Variants in KAT14 observed in about 807,000 individuals in gnomAD.
KAT14 encodes the protein lysine acetyltransferase 14.
Under a neutral mutation model 78.4 loss-of-function variants are expected in KAT14, and 66 were observed. The observed-to-expected ratio is 0.84, with a 90% CI of 0.69 to 1.03. The LOEUF is 1.03. Ranked by LOEUF, KAT14 falls within the 50% of genes least tolerant of loss-of-function variation. The pLI, the probability that KAT14 is intolerant of heterozygous loss-of-function variation, is 0.00. For synonymous variants in KAT14, 344 were observed against 359.4 expected, an observed-to-expected ratio of 0.96 and a Z score of 0.48; for missense variants, 870 against 972.5, an observed-to-expected ratio of 0.89 and a Z score of 1.40.
intron 7 of KAT14, among the ~76,000 whole-genome samples, chr20:18,175,828 G>T (rs1479782205): frequency 6.6e-6 from 1 of 151,534 alleles, no homozygotes; most frequent in East Asian, 2.0e-4. Context: ...AGACCAGCCT[G>T]GGCAACATGA....
intron 7 of KAT14, among the ~76,000 whole-genome samples, chr20:18,164,007 C>T (rs2038542805): frequency 6.6e-6 from 1 of 152,212 alleles, no homozygotes; most frequent in African/African-American, 2.4e-5. Context: ...CTCTTCAACT[C>T]TGCTGTTGTG....
At chr20:18,156,010 G>A (rs536610590) in intron 4 of KAT14, among the ~76,000 whole-genome samples, 1 of 152,284 alleles carries the variant, frequency 6.6e-6, no homozygotes, top group Non-Finnish European at 1.5e-5. Context: ...TAGATGAATG[G>A]ATAAGCAAAA....
At chr20:18,169,718 A>G (rs2038781331) in intron 7 of KAT14, among the ~76,000 whole-genome samples, 3 of 152,362 alleles carry the variant, frequency 2.0e-5, no homozygotes, top group South Asian at 4.1e-4. Flanking sequence ...CTCTCACTTT[A>G]AATAAAAAAC....
In KAT14 at chr20:18,159,216, G is replaced by T; in HGVS notation, c.633G>T (p.Thr211=). The T allele has an allele frequency of 1.2e-6, 2 of 1,614,036 alleles. No individual in the cohort carries two copies. The highest frequency in any genetic ancestry group is 1.7e-4 in the Middle Eastern group (1 of 6,056). The change falls in exon 5 of 11, where the codon ACG becomes ACT. Residue 211 remains threonine, a synonymous_variant. Coordinates refer to ENST00000688188, the MANE Select transcript of KAT14 (RefSeq NM_001392073.1). Reference sequence around the variant, plus strand: ...AACTTGTTCATAACAAGCCCCCAACGATGAAACCTGAAGGAGAGAAGTTGT... The same window carrying T: ...AACTTGTTCATAACAAGCCCCCAACTATGAAACCTGAAGGAGAGAAGTTGT... The part of the protein sequence containing the change: ...WWKLVHNKPP[T]MKPEGEKLSA...
chr20:18,173,000 G>T (rs2038902437), intron 7 of KAT14, among the ~76,000 whole-genome samples: 1 of 152,188 alleles, frequency 6.6e-6, no homozygotes, highest in Non-Finnish European at 1.5e-5. Context: ...TGGCTAGAGG[G>T]TGTGAAGTTA....
Position 18,137,880 on chromosome 20 carries a change from G to T in KAT14, c.-625G>T. 1 of 1,388,082 alleles carries T rather than the reference G, an allele frequency of 7.2e-7. No homozygotes were observed. Among genetic ancestry groups the T allele is most frequent in the Non-Finnish European group, 9.4e-7 (1 of 1,066,088 alleles). 86.0% of individuals were successfully genotyped at this position (1,388,082 alleles called of 1,614,324 possible). ...GAGGGGTCGAGCCTGGGCAGTACAG[G>T]CGGCGGTGCGCACTCTGCGGCGGCC... is the stretch of plus-strand genomic sequence containing the variant. On this transcript the variant is annotated 5_prime_UTR_variant, in exon 1 of 11. Transcript: ENST00000688188.
intron 7 of KAT14, among the ~76,000 whole-genome samples, chr20:18,175,300 A>T (rs117826196): frequency 0.022 from 3,370 of 152,084 alleles, 54 homozygotes; most frequent in Middle Eastern, 0.034. Context: ...ATCCACCCTC[A>T]CCCAGGAAGG....
chr20:18,187,512 T>G lies in KAT14; in HGVS notation c.*53T>G, dbSNP rs981863079. ...TGTGCTATTGGAGAACAGGTCTTTG[T>G]GGAGATCTAAAGGCAGTGATTGATT... On this transcript the variant is annotated 3_prime_UTR_variant, in exon 11 of 11. Coordinates refer to ENST00000688188, the MANE Select transcript of KAT14 (RefSeq NM_001392073.1). 5.0e-6 allele frequency: 8 copies of G among 1,607,796 alleles called. No individual in the cohort carries two copies. The highest frequency in any genetic ancestry group is 3.4e-5 in the Admixed American group (2 of 58,486).
chr20:18,163,014 T>C, intron 7 of KAT14, 69 bp downstream of exon 7: 1 of 1,531,002 alleles, frequency 6.5e-7, no homozygotes, highest in Non-Finnish European at 8.8e-7. Flanking sequence ...GCACTAGGCA[T>C]TGGACATGGT....
chr20:18,159,235 A>T lies in KAT14; in HGVS notation c.652A>T (p.Lys218Ter), dbSNP rs1437880770. ...CCCAACGATGAAACCTGAAGGAGAG[A>T]AGTTGTCTGCCTCTACTTTGAAAAT... ...KPPTMKPEGE[K>*]LSASTLKIKA... is the part of the protein sequence containing the mutation. The change falls in exon 5 of 11, where the codon AAG (lysine) becomes TAG (stop). Residue 218 changes from lysine (K) to a stop codon, truncating the protein, a stop_gained. Coordinates refer to ENST00000688188, the MANE Select transcript of KAT14 (RefSeq NM_001392073.1). LOFTEE classifies it high-confidence loss of function. 1.9e-6 allele frequency: 3 copies of T among 1,614,000 alleles called. No homozygotes were observed. The Admixed American group carries it at 5.0e-5, about 27-fold the overall frequency.
chr20:18,173,175 G>A (rs746692546), intron 7 of KAT14, among the ~76,000 whole-genome samples: 2 of 152,224 alleles, frequency 1.3e-5, no homozygotes, highest in Admixed American at 6.5e-5. Context: ...CAAGAGGGGA[G>A]TTTTCTTTGA....
chr20:18,145,552 G>A (rs1019686444), intron 3 of KAT14, among the ~76,000 whole-genome samples: 2 of 152,178 alleles, frequency 1.3e-5, no homozygotes, highest in African/African-American at 4.8e-5. Context: ...AGGCCAAGGC[G>A]GGCAGATCAC....
intron 9 of KAT14, 94 bp from the exon 10 acceptor site, chr20:18,184,508 T>A: frequency 1.1e-5 from 10 of 905,630 alleles, no homozygotes; most frequent in East Asian, 3.1e-5. Flanking sequence ...TTTTTTAGCA[T>A]GCAGGTGTAG....
At position 18,187,672 on chromosome 20, in the gene KAT14, T is replaced by C; in HGVS notation, c.*213T>C. 1 of 600,908 alleles carries C rather than the reference T, an allele frequency of 1.7e-6. No homozygotes were observed. The highest frequency in any genetic ancestry group is 2.7e-6 in the Non-Finnish European group (1 of 366,260). 37.2% of individuals were successfully genotyped at this position (600,908 alleles called of 1,614,324 possible). ...CCCTCCAGTCCTTCCTGGAGATGCC[T>C]TCAGCCAGCATCCCAGACTCCACAG... On this transcript the variant is annotated 3_prime_UTR_variant, in exon 11 of 11. Transcript: ENST00000688188.
intron 2 of KAT14, among the ~76,000 whole-genome samples, chr20:18,144,794 C>T (rs550888080): frequency 6.6e-4 from 101 of 152,336 alleles, no homozygotes; most frequent in African/African-American, 2.3e-3. Flanking sequence ...GTTGTGATCA[C>T]CTGTTTTCTA....
rs2038020357 is a variant in KAT14, at chr20:18,151,093, T to C, written c.500+151T>C. 1.7e-5 allele frequency: 18 copies of C among 1,036,758 alleles called. No individual in the cohort carries two copies. In the South Asian group the frequency reaches 2.9e-4, roughly 17 times the overall value. The allele number at this position is 1,036,758 out of a possible 1,614,324, so 64.2% of individuals were successfully genotyped here. A position where few individuals can be genotyped will look rare whatever the true frequency, so the allele number is the denominator to read the frequency against. ...AGGCTGGAGTGCAGTGGCATGACCATAGCTCACTGCATCCTCAACCTCCTG... is the reference window on the plus strand; with the variant it reads ...AGGCTGGAGTGCAGTGGCATGACCACAGCTCACTGCATCCTCAACCTCCTG... On this transcript the variant is annotated intron_variant, in intron 4 of 10. Coordinates refer to ENST00000688188, the MANE Select transcript of KAT14 (RefSeq NM_001392073.1).
intron 7 of KAT14, among the ~76,000 whole-genome samples, chr20:18,174,667 T>A (rs1348161808): frequency 1.8e-5 from 2 of 113,226 alleles, no homozygotes; most frequent in African/African-American, 5.4e-5. Context: ...GCTTTTTTTT[T>A]TATTTTTTTT....
rs71194228 is a variant in KAT14, at chr20:18,139,633, CGTGTGTGTGTGTGTGTGTGTGT to C, written c.-454+1603_-454+1624del. ...AGTTAGAGCTGAAGAACCAAAATAACGTGTGTGTGTGTGTGTGTGTGTGTGTGTGTGTGTGTGTGTGTTTATT... is the reference window on the plus strand; with the variant it reads ...AGTTAGAGCTGAAGAACCAAAATAACGTGTGTGTGTGTGTGTGTGTTTATT... On this transcript the variant is annotated intron_variant, in intron 1 of 10. Coordinates refer to ENST00000688188, the MANE Select transcript of KAT14 (RefSeq NM_001392073.1). Among the ~76,000 whole-genome samples, 11 of 141,722 alleles carry C rather than the reference CGTGTGTGTGTGTGTGTGTGTGT, an allele frequency of 7.8e-5. 1 individual carries two copies. Among genetic ancestry groups the C allele is most frequent in the East Asian group, 5.0e-4 (2 of 3,994 alleles). The allele number at this position is 141,722 out of a possible 152,430, so 93.0% of individuals were successfully genotyped here.
At chr20:18,143,745 G>C (rs561050702) in intron 2 of KAT14, among the ~76,000 whole-genome samples, 2 of 151,348 alleles carry the variant, frequency 1.3e-5, no homozygotes, top group Non-Finnish European at 2.9e-5. Flanking sequence ...CTCCTGCCTC[G>C]GCCTCCCGAG....
Sources: gnomAD v4.1 joint callset for allele counts (sites outside exome capture counted in the v4.1 genomes callset) on GRCh38, gnomAD v4.1.1 for gene constraint, MANE v1.5 for transcripts, NCBI Gene and HGNC (gene_info 2026-07-23, HGNC 2026-07-21) for gene names.